LINGO2: variants seen among roughly 807,000 people sequenced by gnomAD.
LINGO2 encodes the protein leucine-rich repeat and immunoglobulin-like domain-containing nogo receptor-interacting protein 2.
Under a neutral mutation model 30.6 loss-of-function variants are expected in LINGO2, and 14 were observed. The ratio of observed to expected loss-of-function variants is 0.46; its 90% CI spans 0.30 to 0.72. LINGO2 has a LOEUF of 0.72. LINGO2 is among the 30% of genes least tolerant of loss of function. LINGO2 has a pLI of 0.07. For missense variants in LINGO2, 729 were observed against 751.7 expected, an observed-to-expected ratio of 0.97 and a Z score of 0.35; for synonymous variants, 317 against 288.5, an observed-to-expected ratio of 1.10 and a Z score of -1.00.
chr9:28,149,226 C>A, intron 4 of LINGO2: 2 of 991,840 alleles, frequency 2.0e-6, no homozygotes, highest in Middle Eastern at 6.3e-4. Flanking sequence ...CGTGGTGGCC[C>A]ACGCCTGTAA....
At chr9:28,248,188 A>T (rs1269699289) in intron 4 of LINGO2, among the ~76,000 whole-genome samples, 3 of 152,210 alleles carry the variant, frequency 2.0e-5, no homozygotes, top group Non-Finnish European at 4.4e-5. Flanking sequence ...CACAATAGTT[A>T]AGATTTGGAA....
intron 4 of LINGO2, among the ~76,000 whole-genome samples, chr9:28,100,218 AAT>A (rs1414129087): frequency 1.3e-5 from 2 of 152,202 alleles, no homozygotes; most frequent in African/African-American, 4.8e-5. Context: ...GAATAAAATC[AAT>A]AGAGTCCCCA....
chr9:28,287,769 A>G (rs1008872982), intron 4 of LINGO2, among the ~76,000 whole-genome samples: 3 of 152,294 alleles, frequency 2.0e-5, no homozygotes, highest in Non-Finnish European at 2.9e-5. Flanking sequence ...TTTCAAGCAT[A>G]CACTGAGAGA....
intron 5 of LINGO2, among the ~76,000 whole-genome samples, chr9:27,965,603 T>C (rs1266082948): frequency 6.6e-6 from 1 of 152,082 alleles, no homozygotes; most frequent in African/African-American, 2.4e-5. Flanking sequence ...TAATTGATAG[T>C]TTCTGTTTAA....
chr9:28,027,852 T>A (rs933020616), intron 4 of LINGO2, among the ~76,000 whole-genome samples: 3 of 152,128 alleles, frequency 2.0e-5, no homozygotes, highest in Non-Finnish European at 4.4e-5. Flanking sequence ...GGATTAAGAA[T>A]TTAGCTGCCA....
the LINGO2 span, among the ~76,000 whole-genome samples, chr9:28,864,229 C>G: frequency 6.6e-6 from 1 of 152,216 alleles, no homozygotes. Context: ...TACCCCTGAA[C>G]TTAAAATAAA....
the LINGO2 span, among the ~76,000 whole-genome samples, chr9:28,968,169 C>G: frequency 6.6e-6 from 1 of 152,118 alleles, no homozygotes; most frequent in Non-Finnish European, 1.5e-5. Context: ...AGCCACAGAT[C>G]ACAGACATCG....
At chr9:28,945,126 T>A in the LINGO2 span, among the ~76,000 whole-genome samples, 1 of 152,184 alleles carries the variant, frequency 6.6e-6, no homozygotes, top group African/African-American at 2.4e-5. Flanking sequence ...AGTTGCATGC[T>A]ATCTTGGTAC....
chr9:28,670,575 A>T (rs1213446499), upstream of LINGO2, among the ~76,000 whole-genome samples: 1 of 152,214 alleles, frequency 6.6e-6, no homozygotes, highest in African/African-American at 2.4e-5. Context: ...TAAAAACCAA[A>T]TAATTTGTAA....
At chr9:28,891,615 C>T in the LINGO2 span, among the ~76,000 whole-genome samples, 5 of 151,808 alleles carry the variant, frequency 3.3e-5, no homozygotes, top group African/African-American at 1.2e-4. Flanking sequence ...GAACTGTTTC[C>T]ACATTTCTCA....
chr9:28,760,341 G>C, the LINGO2 span, among the ~76,000 whole-genome samples: 134 of 152,082 alleles, frequency 8.8e-4, 1 homozygote, highest in Non-Finnish European at 1.7e-3. Flanking sequence ...TATTGAAACT[G>C]TTTGGTCTAC....
chr9:29,074,779 AG>A, the LINGO2 span, among the ~76,000 whole-genome samples: 4 of 136,274 alleles, frequency 2.9e-5, no homozygotes, highest in South Asian at 9.1e-4. Flanking sequence ...TCTGCCTCCC[AG>A]GTTCAGCCTC....
At chr9:29,172,666 A>T in the LINGO2 span, among the ~76,000 whole-genome samples, 1 of 152,014 alleles carries the variant, frequency 6.6e-6, no homozygotes, top group African/African-American at 2.4e-5. Context: ...CAATTTAATG[A>T]CAGAGAACAT....
chr9:28,162,700 T>C (rs1202831599), intron 4 of LINGO2, among the ~76,000 whole-genome samples: 1 of 152,206 alleles, frequency 6.6e-6, no homozygotes, highest in East Asian at 1.9e-4. Context: ...CCTTGTGTAC[T>C]ACTTCCTATT....
At chr9:28,352,226 C>T (rs1472970120) in intron 3 of LINGO2, among the ~76,000 whole-genome samples, 10 of 151,752 alleles carry the variant, frequency 6.6e-5, no homozygotes, top group East Asian at 1.9e-4. Flanking sequence ...TGTTTGCAGA[C>T]GAAATGATTG....
chr9:28,101,059 T>C (rs1010129646), intron 4 of LINGO2, among the ~76,000 whole-genome samples: 24 of 152,178 alleles, frequency 1.6e-4, no homozygotes, highest in Admixed American at 2.0e-4. Context: ...TTTTCAATTT[T>C]AGGGGAATAT....
intron 2 of LINGO2, among the ~76,000 whole-genome samples, chr9:28,471,292 A>G (rs1198449452): frequency 6.6e-6 from 1 of 152,218 alleles, no homozygotes; most frequent in Non-Finnish European, 1.5e-5. Context: ...CTGTGTCATA[A>G]CATGGTAGAA....
intron 4 of LINGO2, among the ~76,000 whole-genome samples, chr9:28,110,031 T>G (rs1404937925): frequency 6.6e-6 from 1 of 152,184 alleles, no homozygotes; most frequent in Non-Finnish European, 1.5e-5. Flanking sequence ...CGCATGGTAC[T>G]GGTACCAAAA....
At chr9:28,010,562 A>G (rs1822503360) in intron 5 of LINGO2, among the ~76,000 whole-genome samples, 1 of 152,226 alleles carries the variant, frequency 6.6e-6, no homozygotes, top group African/African-American at 2.4e-5. Flanking sequence ...GATCCCACCC[A>G]GTCAGGTTTA....
Sources: allele counts gnomAD v4.1 joint callset (sites outside exome capture counted in the v4.1 genomes callset), GRCh38; gene constraint gnomAD v4.1.1; transcripts MANE v1.5; gene names NCBI Gene and HGNC (gene_info 2026-07-23, HGNC 2026-07-21).